Variants in PPP3CA observed in about 807,000 individuals in gnomAD.
PPP3CA encodes the protein protein phosphatase 3 catalytic subunit alpha.
PPP3CA carries 14 observed loss-of-function variants against 66.5 expected under a neutral mutation model. The ratio of observed to expected loss-of-function variants is 0.21; its 90% CI spans 0.14 to 0.33. The LOEUF is 0.33. Ranked by LOEUF, PPP3CA falls within the 10% of genes least tolerant of loss-of-function variation. The pLI is 1.00. For missense variants in PPP3CA, 317 were observed against 639.5 expected, an observed-to-expected ratio of 0.50 and a Z score of 5.44; for synonymous variants, 232 against 226.2, an observed-to-expected ratio of 1.03 and a Z score of -0.23.
chr4:101,285,170 T>C (rs1172407661), intron 1 of PPP3CA, among the ~76,000 whole-genome samples: 1 of 152,162 alleles, frequency 6.6e-6, no homozygotes, highest in African/African-American at 2.4e-5. Context: ...AGCACCGAGA[T>C]TTTACAGGTT....
At chr4:101,239,432 TC>T (rs1441020511) in intron 1 of PPP3CA, among the ~76,000 whole-genome samples, 1 of 152,068 alleles carries the variant, frequency 6.6e-6, no homozygotes, top group African/African-American at 2.4e-5. Context: ...ATTTTGAAAT[TC>T]TGTCTACCAA....
chr4:101,209,296 A>T (rs953597482), intron 1 of PPP3CA, among the ~76,000 whole-genome samples: 1 of 152,196 alleles, frequency 6.6e-6, no homozygotes, highest in Admixed American at 6.5e-5. Flanking sequence ...TTTTAAAGCA[A>T]AATCCTAAAT....
At chr4:101,124,721 G>GAA (rs1288458732) in intron 2 of PPP3CA, among the ~76,000 whole-genome samples, 6 of 70,574 alleles carry the variant, frequency 8.5e-5, no homozygotes, top group African/African-American at 3.1e-4. Flanking sequence ...AAGAAAGAAA[G>GAA]AAAGAGAAAG....
chr4:101,221,123 T>C (rs1453305721), intron 1 of PPP3CA, among the ~76,000 whole-genome samples: 1 of 151,656 alleles, frequency 6.6e-6, no homozygotes, highest in Admixed American at 6.6e-5. Context: ...CTTCCATAGA[T>C]TCTAAGTTTC....
At chr4:101,235,629 G>T in intron 1 of PPP3CA, among the ~76,000 whole-genome samples, 1 of 151,878 alleles carries the variant, frequency 6.6e-6, no homozygotes, top group African/African-American at 2.4e-5. Context: ...AGGTGGCTAG[G>T]CATAAAGTAG....
intron 2 of PPP3CA, among the ~76,000 whole-genome samples, chr4:101,171,471 T>C (rs972114176): frequency 3.9e-5 from 6 of 152,078 alleles, no homozygotes; most frequent in African/African-American, 1.4e-4. Context: ...AATAGCTAAA[T>C]CTTATTGTGC....
intron 2 of PPP3CA, among the ~76,000 whole-genome samples, chr4:101,131,191 G>A (rs549892577): frequency 1.4e-4 from 21 of 151,630 alleles, no homozygotes; most frequent in South Asian, 2.1e-4. Context: ...AACCAAGATC[G>A]CGCCATTGTA....
chr4:101,105,215 G>A (rs899387442), intron 3 of PPP3CA, among the ~76,000 whole-genome samples: 1 of 148,180 alleles, frequency 6.7e-6, no homozygotes, highest in Non-Finnish European at 1.5e-5. Context: ...TTGCTAGGCT[G>A]GAGTGCAGTG....
intron 1 of PPP3CA, among the ~76,000 whole-genome samples, chr4:101,208,284 G>A (rs1035733099): frequency 1.3e-5 from 2 of 152,074 alleles, no homozygotes; most frequent in African/African-American, 4.8e-5. Context: ...CTCGAACAAT[G>A]GAGTTGTATT....
At chr4:101,201,687 G>A (rs1009117025) in intron 1 of PPP3CA, among the ~76,000 whole-genome samples, 22 of 152,224 alleles carry the variant, frequency 1.4e-4, no homozygotes, top group African/African-American at 5.3e-4. Flanking sequence ...TGGCTACTGT[G>A]TGAACAAGGA....
chr4:101,161,713 A>G (rs1723514885), intron 2 of PPP3CA, among the ~76,000 whole-genome samples: 1 of 152,196 alleles, frequency 6.6e-6, no homozygotes, highest in Non-Finnish European at 1.5e-5. Flanking sequence ...AAATTCAAGT[A>G]AAGTTGCAAA....
At chr4:101,169,871 C>T (rs565047853) in intron 2 of PPP3CA, among the ~76,000 whole-genome samples, 4 of 152,066 alleles carry the variant, frequency 2.6e-5, no homozygotes, top group African/African-American at 7.2e-5. Context: ...TGATTTTTAT[C>T]CTCTTAAATT....
At position 101,253,866 on chromosome 4, in the gene PPP3CA, G is replaced by A. The variant is rs140605794; in HGVS notation, c.59-57750C>T. 2.0e-3 allele frequency among the ~76,000 whole-genome samples: 304 copies of A among 152,068 alleles called. 1 individual carries two copies. The highest frequency in any genetic ancestry group is 6.9e-3 in the African/African-American group (286 of 41,534). On this transcript the variant is annotated intron_variant, in intron 1 of 13. Transcript: ENST00000394854. ...TTTTACGATGCTCCTTAGAAAAGTA[G>A]AAATTGATTCCAGTTTTCTCTGTGG... is the stretch of plus-strand genomic sequence containing the variant.
chr4:101,251,589 G>A (rs1726678607), intron 1 of PPP3CA, among the ~76,000 whole-genome samples: 1 of 152,104 alleles, frequency 6.6e-6, no homozygotes, highest in South Asian at 2.1e-4. Context: ...TAACAACAGG[G>A]ATGCTCTAGT....
At chr4:101,263,330 C>A (rs2110257937) in intron 1 of PPP3CA, among the ~76,000 whole-genome samples, 1 of 152,270 alleles carries the variant, frequency 6.6e-6, no homozygotes, top group East Asian at 1.9e-4. Context: ...AGACCCCATT[C>A]CAGATAAATT....
chr4:101,126,267 T>A (rs1722243859), intron 2 of PPP3CA, among the ~76,000 whole-genome samples: 1 of 152,222 alleles, frequency 6.6e-6, no homozygotes, highest in Non-Finnish European at 1.5e-5. Context: ...AATATGGCAG[T>A]AGTTTTCATA....
intron 1 of PPP3CA, among the ~76,000 whole-genome samples, chr4:101,210,602 T>C (rs1291741946): frequency 6.6e-6 from 1 of 152,138 alleles, no homozygotes; most frequent in Non-Finnish European, 1.5e-5. Context: ...CACATCCTAA[T>C]CATCCCTATT....
intron 1 of PPP3CA, among the ~76,000 whole-genome samples, chr4:101,289,657 A>C (rs951098285): frequency 2.0e-5 from 3 of 152,160 alleles, no homozygotes; most frequent in Non-Finnish European, 4.4e-5. Flanking sequence ...AAACATATAT[A>C]ATTTAGTGTA....
Position 101,040,518 on chromosome 4 carries a change from G to T in PPP3CA, c.1205C>A (p.Ala402Glu). 1 of 1,613,566 alleles carries T rather than the reference G, an allele frequency of 6.2e-7. No individual in the cohort carries two copies. The highest frequency in any genetic ancestry group is 8.5e-7 in the Non-Finnish European group (1 of 1,179,834). ...GAACACTCTGGCCATTTTGCCTATT[G>T]CTCGGATCTTGTTCCTTATCACCTC... ...RKEVIRNKIR[A>E]IGKMARVFSV... The change falls in exon 11 of 14, where the codon GCA (alanine) becomes GAA (glutamate). Residue 402 changes from alanine to glutamate, a missense_variant. By Grantham distance (107) the Ala-to-Glu change is moderately radical (BLOSUM62 -1). Around this residue, in one of 3 missense-constraint regions of PPP3CA, gnomAD observed 201 missense variants for 501.4 expected, o/e 0.40. Transcript: ENST00000394854.
Sources: allele counts gnomAD v4.1 joint callset (sites outside exome capture counted in the v4.1 genomes callset), GRCh38; gene constraint gnomAD v4.1.1; regional missense constraint gnomAD v4.1.1; transcripts MANE v1.5; gene names NCBI Gene and HGNC (gene_info 2026-07-23, HGNC 2026-07-21).